Variants in MDFI observed in about 807,000 individuals in gnomAD.
MDFI encodes inhibitor of MyoD family a.
In MDFI, 16 loss-of-function variants were observed where a neutral mutation model predicts 22.3. That is an observed-to-expected ratio of 0.72 (90% CI 0.49 to 1.09). The LOEUF is 1.09. Ranked by LOEUF, MDFI falls within the 50% of genes least tolerant of loss-of-function variation. The pLI, the probability that MDFI is intolerant of heterozygous loss-of-function variation, is 0.00. For missense variants in MDFI, 314 were observed against 326.1 expected (o/e 0.96, Z 0.29); for synonymous variants, 145 against 142.7 (o/e 1.02, Z -0.12).
chr6:41,643,583 AGGGAGGGAGGGAGGGAGGGAAGGAG>A (rs1767939169), intron 2 of MDFI, among the ~76,000 whole-genome samples: 1 of 67,554 alleles, frequency 1.5e-5, no homozygotes, highest in Admixed American at 2.0e-4. Context: ...GGAAGGAGGG[AGGGAGGGAGGGAGGGAGGGAAGGAG>A]GGAAGGAAGG....
In MDFI at chr6:41,651,544, G is replaced by A. The variant is rs1390693420; in HGVS notation, c.484+1701G>A. On this transcript the variant is annotated intron_variant, in intron 4 of 4. Coordinates refer to ENST00000230321, the MANE Select transcript of MDFI (RefSeq NM_005586.4). ...GGTCCTGGGAGGTCCTTACCAACCA[G>A]GCAGTAAGCCTAGACTATCTGGAGA... 1.8e-4 allele frequency among the ~76,000 whole-genome samples: 23 copies of A among 128,174 alleles called. 1 individual carries two copies. Among genetic ancestry groups the A allele is most frequent in the Admixed American group, 1.6e-3 (22 of 13,618 alleles). The allele number at this position is 128,174 out of a possible 152,430, so 84.1% of individuals were successfully genotyped here. A position where few individuals can be genotyped will look rare whatever the true frequency, so the allele number is the denominator to read the frequency against.
intron 3 of MDFI, among the ~76,000 whole-genome samples, chr6:41,647,811 G>A (rs1342246752): frequency 5.9e-5 from 9 of 152,004 alleles, no homozygotes; most frequent in Non-Finnish European, 8.8e-5. Flanking sequence ...GGGAGGCTGA[G>A]GCGGGCGGAT....
chr6:41,647,927 CT>C (rs1298255075), intron 3 of MDFI, among the ~76,000 whole-genome samples: 6 of 151,586 alleles, frequency 4.0e-5, no homozygotes, highest in African/African-American at 7.3e-5. Context: ...CATGTAGTCC[CT>C]AGCTACTCGG....
At chr6:41,641,113 A>AC (rs1387531395) in intron 2 of MDFI, among the ~76,000 whole-genome samples, 1 of 152,004 alleles carries the variant, frequency 6.6e-6, no homozygotes, top group African/African-American at 2.4e-5. Flanking sequence ...TCCAGGTGCC[A>AC]CCCCTAGTCT....
rs562023825 is a variant in MDFI, at chr6:41,649,933, C to T, written c.484+90C>T. 9.4e-4 allele frequency: 1,031 copies of T among 1,094,382 alleles called. 3 individuals carry two copies. The highest frequency in any genetic ancestry group is 1.2e-3 in the Non-Finnish European group (929 of 757,826). 67.8% of individuals were successfully genotyped at this position (1,094,382 alleles called of 1,614,324 possible). A position where few individuals can be genotyped will look rare whatever the true frequency, so the allele number is the denominator to read the frequency against. On this transcript the variant is annotated intron_variant, in intron 4 of 4. Transcript: ENST00000230321. ...CATGGGCCCACTGGAGCACCTTCAC[C>T]AGGCTGTTACTTAGAGATGCAGGAT... is the stretch of plus-strand genomic sequence containing the variant.
upstream of MDFI, chr6:41,637,375 G>A (rs1247640177): frequency 6.6e-6 from 1 of 152,058 alleles, no homozygotes; most frequent in African/African-American, 2.4e-5. This position sits in a 1 kb window ranked among gnomAD's most constrained non-coding sequence, Gnocchi z 6.8. Context: ...GGCTGGACTC[G>A]GGACTAGAAA....
In MDFI at chr6:41,649,697, C is replaced by G. The variant is rs746890257; in HGVS notation, c.338C>G (p.Thr113Ser). 8 of 1,613,866 alleles carry G rather than the reference C, an allele frequency of 5.0e-6. No homozygotes were observed. Among genetic ancestry groups the G allele is most frequent in the Non-Finnish European group, 6.8e-6 (8 of 1,179,966 alleles). Residue 113 changes from threonine (T) to serine (S), a missense_variant, in exon 4 of 5, where the codon ACC becomes AGC. Coordinates refer to ENST00000230321, the MANE Select transcript of MDFI (RefSeq NM_005586.4). Reference protein sequence around the residue: ...DSGHPSELGGTRRAGNGALGG... With the variant: ...DSGHPSELGGSRRAGNGALGG... ...GGCCACCCCTCAGAGCTGGGCGGCA[C>G]CAGACGGGCGGGGAATGGTGCCCTG...
In MDFI at chr6:41,653,643, C is replaced by G; in HGVS notation, c.*68C>G. On this transcript the variant is annotated 3_prime_UTR_variant, in exon 5 of 5. Transcript: ENST00000230321. This position sits in a 1 kb window ranked among gnomAD's most constrained non-coding sequence, Gnocchi z 4.2. Reference sequence around the variant, plus strand: ...CCAGCAGGGTCCCTCTGAGTGGGGCCAGGCCCAGGACTGTCACACAAGGCT... The same window carrying G: ...CCAGCAGGGTCCCTCTGAGTGGGGCGAGGCCCAGGACTGTCACACAAGGCT... 1.3e-6 allele frequency: 2 copies of G among 1,576,480 alleles called. No individual in the cohort carries two copies. The highest frequency in any genetic ancestry group is 1.7e-6 in the Non-Finnish European group (2 of 1,165,120).
chr6:41,639,421 AAGTGAAATGC>A, intron 2 of MDFI: 2 of 985,266 alleles, frequency 2.0e-6, no homozygotes, highest in Non-Finnish European at 2.4e-6. Context: ...TCTTCAGCCC[AAGTGAAATGC>A]CCCGTCCCGC....
intron 2 of MDFI, among the ~76,000 whole-genome samples, chr6:41,645,525 C>G (rs1226908262): frequency 6.6e-6 from 1 of 152,134 alleles, no homozygotes; most frequent in African/African-American, 2.4e-5. Context: ...GACCCAGTTT[C>G]TCCCGTCTCC....
At chr6:41,651,536 A>AATC (rs1768272784) in intron 4 of MDFI, among the ~76,000 whole-genome samples, 1 of 152,102 alleles carries the variant, frequency 6.6e-6, no homozygotes, top group Non-Finnish European at 1.5e-5. Context: ...GGAGGTCCTT[A>AATC]CCAACCAGGC....
intron 4 of MDFI, among the ~76,000 whole-genome samples, chr6:41,651,151 C>G (rs1768258256): frequency 7.6e-6 from 1 of 131,192 alleles, no homozygotes; most frequent in Non-Finnish European, 1.7e-5. Flanking sequence ...TGCACTCCAG[C>G]CTGGGCAACA....
rs766786554 is a variant in MDFI, at chr6:41,649,724, G to A, written c.365G>A (p.Gly122Asp). Residue 122 changes from glycine to aspartate, a missense_variant, in exon 4 of 5, where the codon GGT becomes GAT. By Grantham distance (94) the Gly-to-Asp change is moderately conservative. Transcript: ENST00000230321. ...GTRRAGNGAL[G>D]GPKAHRKLQT... ...AGACGGGCGGGGAATGGTGCCCTGGGTGGCCCCAAGGCCCACCGGAAGTTG... is the reference window on the plus strand; with the variant it reads ...AGACGGGCGGGGAATGGTGCCCTGGATGGCCCCAAGGCCCACCGGAAGTTG... 3.7e-6 allele frequency: 6 copies of A among 1,614,088 alleles called. No homozygotes were observed. The East Asian group carries it at 1.1e-4, about 30-fold the overall frequency.
intron 2 of MDFI, among the ~76,000 whole-genome samples, chr6:41,645,517 C>T (rs1231224877): frequency 6.6e-6 from 1 of 152,122 alleles, no homozygotes; most frequent in African/African-American, 2.4e-5. Context: ...TCCTCTCTGA[C>T]CCAGTTTCTC....
At chr6:41,646,356 A>C (rs755098260) in intron 3 of MDFI, 48 bp downstream of exon 3, 1 of 1,364,838 alleles carries the variant, frequency 7.3e-7, no homozygotes, top group Admixed American at 3.1e-5. Flanking sequence ...GTAGGGTTGC[A>C]CTAGGGAACT....
intron 3 of MDFI, among the ~76,000 whole-genome samples, chr6:41,648,508 CT>C (rs1768141243): frequency 6.6e-6 from 1 of 152,338 alleles, no homozygotes; most frequent in African/African-American, 2.4e-5. Context: ...CTCCCCTCTC[CT>C]TGGGCTCCAG....
At chr6:41,638,462 G>C (rs1237631408), upstream of MDFI, 2 of 466,582 alleles carry the variant, frequency 4.3e-6, no homozygotes, top group Non-Finnish European at 3.8e-6. The surrounding 1 kb of genome is among the most constrained non-coding windows in gnomAD (Gnocchi z 7.6). Context: ...TGGAGGGAGA[G>C]AAGGAAGAAG....
intron 2 of MDFI, among the ~76,000 whole-genome samples, chr6:41,643,340 C>T (rs1429654538): frequency 1.3e-5 from 2 of 152,148 alleles, no homozygotes; most frequent in African/African-American, 4.8e-5. Flanking sequence ...TGTGCTTCCA[C>T]CATTCTTCCA....
At position 41,653,217 on chromosome 6, in the gene MDFI, C is replaced by CCTGCTG. The variant is rs1206654082; in HGVS notation, c.485-97_485-92dup. 2 of 1,210,746 alleles carry CCTGCTG rather than the reference C, an allele frequency of 1.7e-6. No individual in the cohort carries two copies. Among genetic ancestry groups the CCTGCTG allele is most frequent in the African/African-American group, 1.5e-5 (1 of 67,748 alleles). The allele number at this position is 1,210,746 out of a possible 1,614,324, so 75.0% of individuals were successfully genotyped here. The stretch of plus-strand genomic sequence containing the variant: ...AGGCACACAGTGAACACTCAGCGTC[C>CCTGCTG]CTGCTGCTGCCGCTGCCGCAGGCCC... On this transcript the variant is annotated intron_variant, in intron 4 of 4. Coordinates refer to ENST00000230321, the MANE Select transcript of MDFI (RefSeq NM_005586.4). The surrounding 1 kb of genome is among the most constrained non-coding windows in gnomAD (Gnocchi z 4.2).
Sources: allele counts gnomAD v4.1 joint callset (sites outside exome capture counted in the v4.1 genomes callset), GRCh38; gene constraint gnomAD v4.1.1; non-coding constraint Gnocchi (gnomAD v3.1); transcripts MANE v1.5; gene names NCBI Gene and HGNC (gene_info 2026-07-23, HGNC 2026-07-21).